NPHP3: variants seen among roughly 807,000 people sequenced by gnomAD.
NPHP3 encodes nephrocystin-3.
NPHP3 carries 123 observed loss-of-function variants against 171.9 expected under a neutral mutation model. That is an observed-to-expected ratio of 0.72 (90% CI 0.62 to 0.83). NPHP3 has a LOEUF of 0.83. Ranked by LOEUF, NPHP3 falls within the 40% of genes least tolerant of loss-of-function variation. The pLI, the probability that NPHP3 is intolerant of heterozygous loss-of-function variation, is 0.00. For synonymous variants in NPHP3, 558 were observed against 579.2 expected, an observed-to-expected ratio of 0.96 and a Z score of 0.52; for missense variants, 1,506 against 1,591.9, an observed-to-expected ratio of 0.95 and a Z score of 0.92.
chr3:132,688,041 T>C (rs559284030), intron 21 of NPHP3, among the ~76,000 whole-genome samples: 5 of 152,246 alleles, frequency 3.3e-5, no homozygotes, highest in South Asian at 2.1e-4. Flanking sequence ...CCCATAAAGG[T>C]TGAACATCCC....
Position 132,696,778 on chromosome 3 carries a change from T to G in NPHP3, c.2124A>C (p.Thr708=). The G allele has an allele frequency of 6.2e-7, 1 of 1,614,140 alleles. No individual in the cohort carries two copies. Among genetic ancestry groups the G allele is most frequent in the Non-Finnish European group, 8.5e-7 (1 of 1,180,006 alleles). ...GGGTGACATAAAGGGCATTGCAGGT[T>G]GTAGCAGAACGACAGTGTCGTTCTA... ...KKLERHCRSA[T]TCNALYVTLF... Residue 708 remains threonine, a synonymous_variant, in exon 15 of 27, where the codon ACA becomes ACC. Transcript: ENST00000337331.
At chr3:132,718,661 GA>G (rs1463182071) in intron 3 of NPHP3, among the ~76,000 whole-genome samples, 2 of 152,196 alleles carry the variant, frequency 1.3e-5, no homozygotes, top group African/African-American at 4.8e-5. Context: ...TCTGGGAAAG[GA>G]ACGTGTTCTC....
rs1939223978 is a variant in NPHP3 at position 132,688,707 on chromosome 3, T to C, written c.3068A>G (p.His1023Arg). Reference sequence around the variant, plus strand: ...TTCAAGTTCACGAGCAGTATATGGATGGTCCGCACCATAAGCATTTTCTGA... The same window carrying C: ...TTCAAGTTCACGAGCAGTATATGGACGGTCCGCACCATAAGCATTTTCTGA... ...EISENAYGAD[H>R]PYTARELEAL... Residue 1023 changes from histidine (H) to arginine (R), a missense_variant, in exon 21 of 27, where the codon CAT (histidine) becomes CGT (arginine). Physicochemically the swap from His to Arg is conservative, Grantham distance 29. Around this residue, in one of 3 missense-constraint regions of NPHP3, gnomAD observed 569 missense variants for 648.1 expected, o/e 0.88. Transcript: ENST00000337331. The C allele has an allele frequency of 1.2e-6, 2 of 1,614,068 alleles. No individual in the cohort carries two copies. The highest frequency in any genetic ancestry group is 1.3e-5 in the African/African-American group (1 of 74,934).
At position 132,686,241 on chromosome 3, in the gene NPHP3, T is replaced by C; in HGVS notation, c.3329+19A>G. 1 of 1,611,190 alleles carries C rather than the reference T, an allele frequency of 6.2e-7. No individual in the cohort carries two copies. The highest frequency in any genetic ancestry group is 8.5e-7 in the Non-Finnish European group (1 of 1,177,410). On this transcript the variant is annotated intron_variant, in intron 23 of 26. Coordinates refer to ENST00000337331, the MANE Select transcript of NPHP3 (RefSeq NM_153240.5). ...AGAAAATGGTTAATTATTTTCATTA[T>C]TAACCCCATGGTACTCACTCCAGGT...
At position 132,680,647 on chromosome 3, in the gene NPHP3, G is replaced by A. The variant is rs1182918823; in HGVS notation, c.*1263C>T. The A allele has an allele frequency of 1.3e-5, 2 of 152,176 alleles. No homozygotes were observed. Among genetic ancestry groups the A allele is most frequent in the African/African-American group, 4.8e-5 (2 of 41,438 alleles). 9.4% of individuals were successfully genotyped at this position (152,176 alleles called of 1,614,324 possible). On this transcript the variant is annotated 3_prime_UTR_variant, in exon 27 of 27. Coordinates refer to ENST00000337331, the MANE Select transcript of NPHP3 (RefSeq NM_153240.5). ...CACTTTTATTTTAAAACAGTGAAGT[G>A]TGGCTATTACATATTTCACTTTTAC...
intron 3 of NPHP3, chr3:132,718,175 C>A: frequency 2.4e-6 from 1 of 424,798 alleles, no homozygotes; most frequent in Non-Finnish European, 4.7e-6. Context: ...AAAATGCATC[C>A]ATTTGTGAGA....
chr3:132,698,897 T>TC (rs1161679948), intron 13 of NPHP3, among the ~76,000 whole-genome samples: 1 of 151,816 alleles, frequency 6.6e-6, no homozygotes, highest in African/African-American at 2.4e-5. Flanking sequence ...TCCCCCCAAA[T>TC]CCCTTTTTTT....
intron 5 of NPHP3, among the ~76,000 whole-genome samples, chr3:132,714,733 C>T (rs781103860): frequency 5.9e-5 from 9 of 152,024 alleles, no homozygotes; most frequent in Non-Finnish European, 1.3e-4. Flanking sequence ...TGTCTCAAAA[C>T]AAGCAAACAA....
chr3:132,708,017 G>A, intron 7 of NPHP3, 84 bp downstream of exon 7: 1 of 1,334,116 alleles, frequency 7.5e-7, no homozygotes, highest in Non-Finnish European at 1.1e-6. Flanking sequence ...CCCCAGATAT[G>A]CCAGGCTTAT....
intron 17 of NPHP3, among the ~76,000 whole-genome samples, chr3:132,692,032 A>G (rs1939312307): frequency 6.6e-6 from 1 of 152,236 alleles, no homozygotes; most frequent in Non-Finnish European, 1.5e-5. Context: ...AAGCTGCCCT[A>G]TACAGGCATA....
In NPHP3 at chr3:132,681,618, T is replaced by G; in HGVS notation, c.*292A>C. 1 of 366,150 alleles carries G rather than the reference T, an allele frequency of 2.7e-6. No individual in the cohort carries two copies. Among genetic ancestry groups the G allele is most frequent in the Non-Finnish European group, 5.2e-6 (1 of 193,364 alleles). 22.7% of individuals were successfully genotyped at this position (366,150 alleles called of 1,614,324 possible). A position where few individuals can be genotyped will look rare whatever the true frequency, so the allele number is the denominator to read the frequency against. On this transcript the variant is annotated 3_prime_UTR_variant, in exon 27 of 27. Coordinates refer to ENST00000337331, the MANE Select transcript of NPHP3 (RefSeq NM_153240.5). Reference sequence around the variant, plus strand: ...TTGTCTTAACTACTCTGCCAGCTCTTGTTGAACAAAGACCAATCCGCTCTT... The same window carrying G: ...TTGTCTTAACTACTCTGCCAGCTCTGGTTGAACAAAGACCAATCCGCTCTT...
At chr3:132,719,632 T>C (rs1285431447) in intron 2 of NPHP3, 73 bp downstream of exon 2, 4 of 961,738 alleles carry the variant, frequency 4.2e-6, no homozygotes, top group Non-Finnish European at 5.8e-6. Flanking sequence ...CATCGCATTA[T>C]ATATTATATA....
intron 15 of NPHP3, among the ~76,000 whole-genome samples, chr3:132,696,421 C>A (rs1268977331): frequency 6.6e-6 from 1 of 152,158 alleles, no homozygotes; most frequent in African/African-American, 2.4e-5. Context: ...AATATTGTAA[C>A]CCTCAGTTGT....
Position 132,716,802 on chromosome 3 carries a change from G to A in NPHP3, c.778C>T (p.His260Tyr), listed in dbSNP as rs1277944980. 1 of 1,614,006 alleles carries A rather than the reference G, an allele frequency of 6.2e-7. No individual in the cohort carries two copies. The highest frequency in any genetic ancestry group is 1.7e-5 in the Admixed American group (1 of 60,010). Residue 260 changes from histidine to tyrosine, a missense_variant, in exon 4 of 27, where the codon CAT (histidine) becomes TAT (tyrosine). His to Tyr is a moderately conservative substitution (Grantham distance 83). Coordinates refer to ENST00000337331, the MANE Select transcript of NPHP3 (RefSeq NM_153240.5). ...GGTCCTTCCACATCTATAGAACTAT[G>A]GGCAAACTCAGGGCCTCTGAAGGAC... Reference protein sequence around the residue: ...QQSFRGPEFAHSSIDVEGPFA... With the variant: ...QQSFRGPEFAYSSIDVEGPFA...
chr3:132,689,363 A>G, intron 19 of NPHP3, 100 bp from the exon 20 acceptor site: 2 of 1,225,832 alleles, frequency 1.6e-6, no homozygotes, highest in Non-Finnish European at 2.4e-6. Flanking sequence ...ACAATTTATT[A>G]GTAGGCGAGT....
At position 132,681,681 on chromosome 3, in the gene NPHP3, T is replaced by G; in HGVS notation, c.*229A>C. Reference sequence around the variant, plus strand: ...CTCATGTCTTCTTATAATTCTAATGTGTCTACATCCTTGGATACCATATAA... The same window carrying G: ...CTCATGTCTTCTTATAATTCTAATGGGTCTACATCCTTGGATACCATATAA... On this transcript the variant is annotated 3_prime_UTR_variant, in exon 27 of 27. Transcript: ENST00000337331. The G allele has an allele frequency of 1.9e-6, 1 of 515,342 alleles. No homozygotes were observed. The highest frequency in any genetic ancestry group is 3.5e-6 in the Non-Finnish European group (1 of 285,972). 31.9% of individuals were successfully genotyped at this position (515,342 alleles called of 1,614,324 possible).
At chr3:132,683,551 A>G in intron 24 of NPHP3, 27 bp from the exon 25 acceptor site, 2 of 1,585,058 alleles carry the variant, frequency 1.3e-6, no homozygotes, top group Non-Finnish European at 1.7e-6. Context: ...AAATCTAACA[A>G]AAATATAAGG....
chr3:132,707,490 C>G (rs541402676), intron 7 of NPHP3, among the ~76,000 whole-genome samples: 87 of 152,180 alleles, frequency 5.7e-4, no homozygotes, highest in Admixed American at 5.2e-3. Context: ...AAAGTCTCCT[C>G]CTGACACTAA....
In NPHP3 at chr3:132,688,881, G is replaced by C. The variant is rs368791854; in HGVS notation, c.2894C>G (p.Pro965Arg). 5 of 1,614,060 alleles carry C rather than the reference G, an allele frequency of 3.1e-6. No homozygotes were observed. The highest frequency in any genetic ancestry group is 2.5e-6 in the Non-Finnish European group (3 of 1,180,006). Residue 965 changes from proline (P) to arginine (R), a missense_variant, in exon 21 of 27, where the codon CCT (proline) becomes CGT (arginine). Physicochemically the swap from Pro to Arg is moderately radical, Grantham distance 103. Coordinates refer to ENST00000337331, the MANE Select transcript of NPHP3 (RefSeq NM_153240.5). ...DLGLLSQAIV[P>R]LQRSLEIRET... The stretch of plus-strand genomic sequence containing the variant: ...TCGAATCTCTAAAGACCTCTGCAAA[G>C]GTACTATGGCCTGGGGGGAAAAGGG...
Sources: allele counts gnomAD v4.1 joint callset (sites outside exome capture counted in the v4.1 genomes callset), GRCh38; gene constraint gnomAD v4.1.1; regional missense constraint gnomAD v4.1.1; transcripts MANE v1.5; gene names NCBI Gene and HGNC (gene_info 2026-07-23, HGNC 2026-07-21).